NYAP2: variants seen among roughly 807,000 people sequenced by gnomAD.
NYAP2 encodes the protein neuronal tyrosine-phosphorylated phosphoinositide-3-kinase adaptor 2.
A neutral mutation model predicts 50.4 loss-of-function variants in NYAP2; 23 were observed. The observed-to-expected ratio is 0.46, with a 90% CI of 0.33 to 0.65. The LOEUF (loss-of-function observed/expected upper bound fraction) is 0.65. Ranked by LOEUF, NYAP2 falls within the 30% of genes least tolerant of loss-of-function variation. The probability of loss-of-function intolerance (pLI) is 0.02; values close to 1 mark genes in which losing one functional copy is unlikely to be tolerated. For synonymous variants in NYAP2, 394 were observed against 365.2 expected, an observed-to-expected ratio of 1.08 and a Z score of -0.90; for missense variants, 885 against 861.0, an observed-to-expected ratio of 1.03 and a Z score of -0.35.
At chr2:225,603,885 T>G (rs1355356757) in intron 5 of NYAP2, among the ~76,000 whole-genome samples, 1 of 152,198 alleles carries the variant, frequency 6.6e-6, no homozygotes, top group Admixed American at 6.6e-5. Flanking sequence ...ATGAGCTTAA[T>G]CCAAAACAAT....
chr2:225,655,420 C>G (rs894565256), downstream of NYAP2, among the ~76,000 whole-genome samples: 2 of 152,104 alleles, frequency 1.3e-5, no homozygotes, highest in Non-Finnish European at 2.9e-5. Context: ...TCATAGAAAT[C>G]TTTGGAAATC....
intron 3 of NYAP2, among the ~76,000 whole-genome samples, chr2:225,508,013 T>A (rs981005016): frequency 1.3e-5 from 2 of 152,232 alleles, no homozygotes; most frequent in African/African-American, 2.4e-5. Context: ...AAACATTGCA[T>A]CAATTACTTC....
intron 4 of NYAP2, among the ~76,000 whole-genome samples, chr2:225,548,708 T>C (rs1691624014): frequency 6.6e-6 from 1 of 152,150 alleles, no homozygotes; most frequent in Admixed American, 6.5e-5. Flanking sequence ...GAATCCACAA[T>C]TGACAAGAAA....
chr2:225,528,335 A>T, intron 4 of NYAP2, among the ~76,000 whole-genome samples: 1 of 152,334 alleles, frequency 6.6e-6, no homozygotes, highest in South Asian at 2.1e-4. Flanking sequence ...GCAAATAAAT[A>T]GGGTAAAATA....
chr2:225,662,888 C>T, the NYAP2 span, among the ~76,000 whole-genome samples: 1 of 152,174 alleles, frequency 6.6e-6, no homozygotes, highest in African/African-American at 2.4e-5. Flanking sequence ...AACAAGGGAC[C>T]TACCCTTGGA....
At chr2:225,655,885 TAC>T (rs372646871), downstream of NYAP2, among the ~76,000 whole-genome samples, 4,292 of 121,136 alleles carry the variant, frequency 0.035, 85 homozygotes, top group African/African-American at 0.068. Context: ...CAACCTCCAC[TAC>T]ACACACACAC....
chr2:225,532,324 T>C (rs997162392), intron 4 of NYAP2, among the ~76,000 whole-genome samples: 5 of 152,198 alleles, frequency 3.3e-5, no homozygotes, highest in Non-Finnish European at 5.9e-5. Flanking sequence ...CAGTGAAGCA[T>C]AGACTTATTG....
intron 5 of NYAP2, among the ~76,000 whole-genome samples, chr2:225,587,491 A>C (rs879257394): frequency 3.3e-5 from 5 of 152,120 alleles, no homozygotes; most frequent in Non-Finnish European, 7.4e-5. Flanking sequence ...AGAGAGGCGC[A>C]CAGAAAGGGA....
Position 225,582,131 on chromosome 2 carries a change from C to A in NYAP2, c.714C>A (p.Pro238=), listed in dbSNP as rs759722204. The A allele has an allele frequency of 5.3e-5, 86 of 1,613,780 alleles. No individual in the cohort carries two copies. In the Admixed American group the frequency reaches 1.4e-3, roughly 26 times the overall value. The change falls in exon 5 of 7, where the codon CCC becomes CCA. Residue 238 remains proline (P), a synonymous_variant. Transcript: ENST00000636099. The surrounding 1 kb of genome is among the most constrained non-coding windows in gnomAD (Gnocchi z 7.0). ...AGATGGGCAGCCCCGCGGGAGACCC[C>A]GAGGAAGAGGAGCCCGTGTACATCG...
Position 225,638,156 on chromosome 2 carries a change from T to TTGTGTGTGTGTG in NYAP2, c.1828+11055_1828+11066dup, listed in dbSNP as rs146481098. On this transcript the variant is annotated intron_variant, in intron 6 of 6. Transcript: ENST00000636099. ...GAGAATTTTAAACAGACTCGTGTGT[T>TTGTGTGTGTGTG]TGTGTGTGTGTGTGTGTGTGTGTGT... Among the ~76,000 whole-genome samples, 75 of 135,306 alleles carry TTGTGTGTGTGTG rather than the reference T, an allele frequency of 5.5e-4. 1 individual carries two copies. The East Asian group carries it at 6.5e-3, about 12-fold the overall frequency. 88.8% of individuals were successfully genotyped at this position (135,306 alleles called of 152,430 possible).
chr2:225,473,230 C>G (rs1355556456), intron 3 of NYAP2, among the ~76,000 whole-genome samples: 1 of 152,148 alleles, frequency 6.6e-6, no homozygotes, highest in Admixed American at 6.5e-5. Context: ...TGGGTTGGTT[C>G]CAAGTCTTTG....
At chr2:225,579,574 GTAA>G (rs1692235378) in intron 4 of NYAP2, among the ~76,000 whole-genome samples, 1 of 152,306 alleles carries the variant, frequency 6.6e-6, no homozygotes, top group South Asian at 2.1e-4. Flanking sequence ...CACAATTGGA[GTAA>G]ATCCAGACAT....
At chr2:225,547,520 C>T (rs1691605520) in intron 4 of NYAP2, among the ~76,000 whole-genome samples, 1 of 152,226 alleles carries the variant, frequency 6.6e-6, no homozygotes, top group African/African-American at 2.4e-5. Context: ...TTCCCTATGG[C>T]TAGGGCTGGT....
At chr2:225,606,568 C>T (rs531685953) in intron 5 of NYAP2, among the ~76,000 whole-genome samples, 8 of 152,210 alleles carry the variant, frequency 5.3e-5, no homozygotes, top group African/African-American at 1.9e-4. Flanking sequence ...CAGTCATTCT[C>T]TTTCTATCCT....
chr2:225,468,242 TAAAAG>T (rs1204211398), intron 3 of NYAP2, among the ~76,000 whole-genome samples: 1 of 152,088 alleles, frequency 6.6e-6, no homozygotes, highest in Non-Finnish European at 1.5e-5. Context: ...TTCCTTATAA[TAAAAG>T]AAAAGGAGAC....
At chr2:225,482,571 C>T (rs1690224672) in intron 3 of NYAP2, among the ~76,000 whole-genome samples, 1 of 152,098 alleles carries the variant, frequency 6.6e-6, no homozygotes, top group Non-Finnish European at 1.5e-5. Flanking sequence ...TTCCCGAAGG[C>T]TTCTGAAATG....
At chr2:225,540,085 C>T (rs976914577) in intron 4 of NYAP2, among the ~76,000 whole-genome samples, 1 of 152,182 alleles carries the variant, frequency 6.6e-6, no homozygotes, top group Non-Finnish European at 1.5e-5. Flanking sequence ...CAGCCTGGAC[C>T]TTATTGTTCA....
chr2:225,583,123 AGT>A (rs1329396004), intron 5 of NYAP2, 88 bp downstream of exon 5: 2 of 1,446,972 alleles, frequency 1.4e-6, no homozygotes, highest in African/African-American at 2.8e-5. Context: ...TAACGCACAG[AGT>A]ACGGGGTCTT....
chr2:225,633,778 T>C (rs1693362481), intron 6 of NYAP2, among the ~76,000 whole-genome samples: 1 of 152,250 alleles, frequency 6.6e-6, no homozygotes, highest in Non-Finnish European at 1.5e-5. Flanking sequence ...GGTTCCCAGA[T>C]TTAACTGCTA....
Sources: gnomAD v4.1 joint callset for allele counts (sites outside exome capture counted in the v4.1 genomes callset) on GRCh38, gnomAD v4.1.1 for gene constraint, Gnocchi (gnomAD v3.1) non-coding constraint, MANE v1.5 for transcripts, NCBI Gene and HGNC (gene_info 2026-07-23, HGNC 2026-07-21) for gene names.